Variants in PDZRN4 observed in about 807,000 individuals in gnomAD.
PDZRN4 encodes the protein PDZ domain containing ring finger 4, also known as PDZ domain-containing RING finger protein 4.
Under a neutral mutation model 99.0 loss-of-function variants are expected in PDZRN4, and 70 were observed. The ratio of observed to expected loss-of-function variants is 0.71; its 90% CI spans 0.58 to 0.86. The LOEUF is 0.86. Ranked by LOEUF, PDZRN4 falls within the 40% of genes least tolerant of loss-of-function variation. The pLI, the probability that PDZRN4 is intolerant of heterozygous loss-of-function variation, is 0.00. For missense variants in PDZRN4, 1,474 were observed against 1,331.2 expected, an observed-to-expected ratio of 1.11 and a Z score of -1.67; for synonymous variants, 551 against 501.6, an observed-to-expected ratio of 1.10 and a Z score of -1.32.
intron 3 of PDZRN4, among the ~76,000 whole-genome samples, chr12:41,294,936 T>A (rs1421866850): frequency 6.6e-6 from 1 of 152,012 alleles, no homozygotes; most frequent in African/African-American, 2.4e-5. Context: ...TAGAGCTGAA[T>A]AGAGACATGA....
intron 3 of PDZRN4, among the ~76,000 whole-genome samples, chr12:41,392,028 T>G (rs1952214053): frequency 6.6e-6 from 1 of 152,158 alleles, no homozygotes; most frequent in Admixed American, 6.6e-5. Context: ...TTCACTAAAA[T>G]GGAGAAACTT....
chr12:41,280,738 A>T (rs1951378672), intron 3 of PDZRN4, among the ~76,000 whole-genome samples: 1 of 152,020 alleles, frequency 6.6e-6, no homozygotes. Context: ...TAAAACTCCC[A>T]TCTCCCTGGG....
At chr12:41,251,821 A>T (rs1011895027) in intron 3 of PDZRN4, among the ~76,000 whole-genome samples, 2 of 152,192 alleles carry the variant, frequency 1.3e-5, no homozygotes, top group African/African-American at 4.8e-5. Flanking sequence ...TAAAAACGTT[A>T]TATTTAAAAT....
chr12:41,525,823 T>TATATATTGAAC (rs1938558484), intron 5 of PDZRN4, among the ~76,000 whole-genome samples: 1 of 152,094 alleles, frequency 6.6e-6, no homozygotes, highest in African/African-American at 2.4e-5. Flanking sequence ...TAGGTCTGAA[T>TATATATTGAAC]ATATTCAAGT....
At chr12:41,330,252 G>A (rs181140377) in intron 3 of PDZRN4, among the ~76,000 whole-genome samples, 37 of 152,116 alleles carry the variant, frequency 2.4e-4, no homozygotes, top group Non-Finnish European at 7.4e-5. Context: ...CAGAGCTCAC[G>A]AGTTGTCCTT....
rs753897793 is a variant in PDZRN4 at position 41,563,617 on chromosome 12, A to G, written c.1435A>G (p.Ile479Val). 17 of 1,613,212 alleles carry G rather than the reference A, an allele frequency of 1.1e-5. No homozygotes were observed. Among genetic ancestry groups the G allele is most frequent in the Admixed American group, 1.0e-4 (6 of 59,934 alleles). Residue 479 changes from isoleucine (I) to valine (V), a missense_variant, in exon 8 of 10, where the codon ATC becomes GTC. Transcript: ENST00000402685. The part of the protein sequence containing the change: ...ALLSNDECKR[I>V]VLLVARPEIQ... ...GCTGTCTAACGATGAGTGTAAGAGA[A>G]TCGTGCTGCTTGTTGCAAGGCCAGA...
At chr12:41,339,351 G>T (rs1326654607) in intron 3 of PDZRN4, among the ~76,000 whole-genome samples, 2 of 152,060 alleles carry the variant, frequency 1.3e-5, no homozygotes, top group African/African-American at 4.8e-5. Context: ...ACTAAATGGT[G>T]CTGGGAAACT....
intron 3 of PDZRN4, among the ~76,000 whole-genome samples, chr12:41,364,883 C>G (rs765931790): frequency 8.2e-4 from 124 of 152,052 alleles, no homozygotes; most frequent in Non-Finnish European, 1.6e-3. Flanking sequence ...TAGGGATTGT[C>G]TTATTCTTTT....
At chr12:41,374,149 G>A (rs1952063114) in intron 3 of PDZRN4, among the ~76,000 whole-genome samples, 1 of 121,642 alleles carries the variant, frequency 8.2e-6, no homozygotes, top group South Asian at 2.6e-4. Context: ...GAAGAGTGAT[G>A]TGAAAATGCC....
intron 3 of PDZRN4, among the ~76,000 whole-genome samples, chr12:41,217,982 T>G (rs1157765827): frequency 6.6e-6 from 1 of 152,130 alleles, no homozygotes; most frequent in East Asian, 1.9e-4. Flanking sequence ...ACAAGTCAGA[T>G]AGCAGAAGGC....
chr12:41,288,203 C>A (rs544257345), intron 3 of PDZRN4, among the ~76,000 whole-genome samples: 1 of 152,252 alleles, frequency 6.6e-6, no homozygotes, highest in East Asian at 1.9e-4. Context: ...TAAACGCAGC[C>A]TCTCCCCTGG....
chr12:41,316,221 A>G (rs1951636847), intron 3 of PDZRN4, among the ~76,000 whole-genome samples: 1 of 152,082 alleles, frequency 6.6e-6, no homozygotes, highest in South Asian at 2.1e-4. Context: ...TTTTTCATGT[A>G]TTGACCCCTC....
chr12:41,465,293 T>C (rs1952913813), intron 3 of PDZRN4, among the ~76,000 whole-genome samples: 2 of 152,136 alleles, frequency 1.3e-5, no homozygotes, highest in South Asian at 2.1e-4. Context: ...ATTGGACAAA[T>C]ATGGAAGAGA....
chr12:41,535,154 C>G (rs746403822), intron 5 of PDZRN4, among the ~76,000 whole-genome samples: 3 of 152,152 alleles, frequency 2.0e-5, no homozygotes, highest in Non-Finnish European at 2.9e-5. Flanking sequence ...CATATTTCTT[C>G]TGTTATGTTA....
intron 3 of PDZRN4, chr12:41,412,135 T>C (rs532103246): frequency 1.5e-4 from 23 of 152,328 alleles, no homozygotes; most frequent in Non-Finnish European, 3.1e-4. Flanking sequence ...TTTTCCCACC[T>C]ATCTGGATAT....
At chr12:41,508,814 G>T (rs200395058) in intron 4 of PDZRN4, among the ~76,000 whole-genome samples, 1 of 152,124 alleles carries the variant, frequency 6.6e-6, no homozygotes, top group Non-Finnish European at 1.5e-5. Flanking sequence ...ATGAGGATGG[G>T]TCTCTTGCCT....
At chr12:41,217,205 T>TG (rs151211691) in intron 3 of PDZRN4, among the ~76,000 whole-genome samples, 39 of 152,194 alleles carry the variant, frequency 2.6e-4, no homozygotes, top group Non-Finnish European at 4.3e-4. Flanking sequence ...TAGAGGCCAA[T>TG]GTTCCAAATC....
intron 3 of PDZRN4, among the ~76,000 whole-genome samples, chr12:41,467,471 A>G (rs1244247387): frequency 6.6e-6 from 1 of 152,118 alleles, no homozygotes; most frequent in African/African-American, 2.4e-5. Flanking sequence ...CTTTATTCCT[A>G]TCCTACTCAA....
chr12:41,240,630 A>T (rs1951095881), intron 3 of PDZRN4, among the ~76,000 whole-genome samples: 1 of 152,174 alleles, frequency 6.6e-6, no homozygotes, highest in African/African-American at 2.4e-5. Flanking sequence ...ATAGAAATTT[A>T]TTTCTCACAG....
Sources: gnomAD v4.1 joint callset for allele counts (sites outside exome capture counted in the v4.1 genomes callset) on GRCh38, gnomAD v4.1.1 for gene constraint, MANE v1.5 for transcripts, NCBI Gene and HGNC (gene_info 2026-07-23, HGNC 2026-07-21) for gene names.